FUBP3: variants seen among roughly 807,000 people sequenced by gnomAD.
FUBP3 encodes the protein far upstream element-binding protein 3.
A neutral mutation model predicts 85.6 loss-of-function variants in FUBP3; 28 were observed. The observed-to-expected ratio is 0.33, with a 90% CI of 0.24 to 0.45. The LOEUF is 0.45. Among genes scored for constraint, FUBP3 ranks in the 20% least tolerant of loss-of-function variants. The pLI is 1.00. For missense variants in FUBP3, 583 were observed against 755.1 expected (o/e 0.77, Z 2.67); for synonymous variants, 271 against 271.4 (o/e 1.00, Z 0.01).
chr9:130,630,136 T>C (rs1323894722), intron 12 of FUBP3, among the ~76,000 whole-genome samples: 5 of 152,216 alleles, frequency 3.3e-5, no homozygotes, highest in Non-Finnish European at 7.3e-5. Flanking sequence ...CCAGGCATGG[T>C]TGGGCCTGTG....
chr9:130,636,918 C>A, intron 18 of FUBP3, 96 bp from the exon 19 acceptor site: 1 of 1,036,696 alleles, frequency 9.6e-7, no homozygotes, highest in Non-Finnish European at 1.5e-6. Context: ...TTTTGTCTGG[C>A]CCAGCTCCCG....
At position 130,594,997 on chromosome 9, in the gene FUBP3, G is replaced by C. The variant is rs144073631; in HGVS notation, c.85-486G>C. Among the ~76,000 whole-genome samples, 834 of 151,900 alleles carry C rather than the reference G, an allele frequency of 5.5e-3. 10 individuals carry two copies. The highest frequency in any genetic ancestry group is 0.019 in the African/African-American group (781 of 41,434). Reference sequence around the variant, plus strand: ...ATCCCAGCACTTTGAGAGGCCAAGGGGGGCAGATCACCCGAGGTTGGGCGT... The same window carrying C: ...ATCCCAGCACTTTGAGAGGCCAAGGCGGGCAGATCACCCGAGGTTGGGCGT... On this transcript the variant is annotated intron_variant, in intron 1 of 18. Transcript: ENST00000319725.
Position 130,579,641 on chromosome 9 carries a change from G to A in FUBP3, c.-40G>A. Reference sequence around the variant, plus strand: ...GACCGGGGAGCCGAGCGGCGGCGTCGGCGGCGTCGGCGGCGGCGGCGACGG... The same window carrying A: ...GACCGGGGAGCCGAGCGGCGGCGTCAGCGGCGTCGGCGGCGGCGGCGACGG... On this transcript the variant is annotated 5_prime_UTR_variant, in exon 1 of 19. Transcript: ENST00000319725. The A allele has an allele frequency of 8.4e-7, 1 of 1,190,756 alleles. No homozygotes were observed. The allele number at this position is 1,190,756 out of a possible 1,614,324, so 73.8% of individuals were successfully genotyped here. A position where few individuals can be genotyped will look rare whatever the true frequency, so the allele number is the denominator to read the frequency against.
intron 12 of FUBP3, among the ~76,000 whole-genome samples, chr9:130,630,065 C>T (rs1830151165): frequency 1.3e-5 from 2 of 152,236 alleles, no homozygotes; most frequent in South Asian, 4.1e-4. Context: ...GACCGTCACC[C>T]CATGGAGGAG....
chr9:130,593,122 C>T (rs1370410627), intron 1 of FUBP3, among the ~76,000 whole-genome samples: 1 of 152,198 alleles, frequency 6.6e-6, no homozygotes, highest in Non-Finnish European at 1.5e-5. Context: ...GCCAGCTCCT[C>T]ATCATCACGT....
chr9:130,581,891 C>T (rs1174565661), intron 1 of FUBP3: 2 of 152,166 alleles, frequency 1.3e-5, no homozygotes, highest in Non-Finnish European at 2.9e-5. Flanking sequence ...TTTGAACCTG[C>T]AGTTTCTATT....
At chr9:130,580,061 T>G (rs1329223526) in intron 1 of FUBP3, among the ~76,000 whole-genome samples, 1 of 152,124 alleles carries the variant, frequency 6.6e-6, no homozygotes, top group Non-Finnish European at 1.5e-5. Context: ...ACAGTGTAGC[T>G]AGCGCGGGGT....
At chr9:130,589,544 A>G (rs1440979506) in intron 1 of FUBP3, among the ~76,000 whole-genome samples, 2 of 150,694 alleles carry the variant, frequency 1.3e-5, no homozygotes, top group East Asian at 1.9e-4. Context: ...GGGTTTCACC[A>G]TGTTGGCCAG....
chr9:130,636,315 GAA>G, intron 18 of FUBP3, 189 bp downstream of exon 18: 8 of 707,098 alleles, frequency 1.1e-5, no homozygotes, highest in South Asian at 7.6e-5. Context: ...TCGCTCTGGA[GAA>G]AAAGAGTTTA....
chr9:130,620,365 A>C lies in FUBP3; in HGVS notation c.678A>C (p.Glu226Asp). 6.3e-7 allele frequency: 1 copy of C among 1,580,372 alleles called. No individual in the cohort carries two copies. The highest frequency in any genetic ancestry group is 8.6e-7 in the Non-Finnish European group (1 of 1,161,516). Residue 226 changes from glutamate to aspartate, a missense_variant, in exon 9 of 19, where the codon GAA becomes GAC. Physicochemically the swap from Glu to Asp is conservative, Grantham distance 45 (BLOSUM62 2). Transcript: ENST00000319725. ...GDAFKVQQAREMVLEIIREKD... is the reference protein window; with the variant it reads ...GDAFKVQQARDMVLEIIREKD... Reference sequence around the variant, plus strand: ...TTGTGTTTATGCAGCAAGCAAGAGAAATGGTACTAGAGATTATCCGAGAAA... The same window carrying C: ...TTGTGTTTATGCAGCAAGCAAGAGACATGGTACTAGAGATTATCCGAGAAA...
At chr9:130,618,067 A>G (rs1386227789) in intron 8 of FUBP3, among the ~76,000 whole-genome samples, 172 bp downstream of exon 8, 1 of 152,206 alleles carries the variant, frequency 6.6e-6, no homozygotes. Context: ...GTGCTGCCCA[A>G]AACCAGAGTC....
chr9:130,587,075 TG>T (rs1314535363), intron 1 of FUBP3, among the ~76,000 whole-genome samples: 19 of 145,084 alleles, frequency 1.3e-4, no homozygotes, highest in Admixed American at 2.7e-4. Flanking sequence ...TTTGTTTGTT[TG>T]TTTTTTTGAG....
intron 18 of FUBP3, 83 bp downstream of exon 18, chr9:130,636,209 G>T (rs1275401425): frequency 3.6e-6 from 5 of 1,398,430 alleles, no homozygotes; most frequent in African/African-American, 2.8e-5. Flanking sequence ...CTGACCCCAG[G>T]ATGAGAGCGC....
chr9:130,617,936 G>T lies in FUBP3; in HGVS notation c.666+41G>T, dbSNP rs149165756. The T allele has an allele frequency of 1.6e-3, 1,446 of 931,928 alleles. 6 individuals carry two copies. Among genetic ancestry groups the T allele is most frequent in the Non-Finnish European group, 2.2e-3 (1,279 of 583,338 alleles). The allele number at this position is 931,928 out of a possible 1,614,324, so 57.7% of individuals were successfully genotyped here. ...GGGTTGGGTGAGTCCTGGCTGTTGGGGCTATCACTCGGTGGTACCCTAGAG... is the reference window on the plus strand; with the variant it reads ...GGGTTGGGTGAGTCCTGGCTGTTGGTGCTATCACTCGGTGGTACCCTAGAG... On this transcript the variant is annotated intron_variant, in intron 8 of 18. Coordinates refer to ENST00000319725, the MANE Select transcript of FUBP3 (RefSeq NM_003934.2).
intron 2 of FUBP3, 123 bp downstream of exon 2, chr9:130,595,711 G>T: frequency 1.4e-6 from 1 of 707,942 alleles, no homozygotes; most frequent in East Asian, 2.5e-5. Context: ...AAAGGTTGAA[G>T]GGAAGTATTT....
chr9:130,588,689 A>G (rs1830454774), intron 1 of FUBP3, among the ~76,000 whole-genome samples: 1 of 152,204 alleles, frequency 6.6e-6, no homozygotes, highest in Non-Finnish European at 1.5e-5. Context: ...GGTCACTGTG[A>G]CAATTAAATG....
intron 1 of FUBP3, among the ~76,000 whole-genome samples, chr9:130,580,290 G>A (rs1484390957): frequency 1.3e-5 from 2 of 152,206 alleles, no homozygotes; most frequent in Admixed American, 6.5e-5. Flanking sequence ...TGGTCCCCAA[G>A]ATGTAGAAAT....
In FUBP3 at chr9:130,587,968, G is replaced by A. The variant is rs559793553; in HGVS notation, c.85-7515G>A. ...TTGTCAGGAAAACCTCCCAAGAAGAGCTGCATCTTATTCAATTGTCATAGA... is the reference window on the plus strand; with the variant it reads ...TTGTCAGGAAAACCTCCCAAGAAGAACTGCATCTTATTCAATTGTCATAGA... On this transcript the variant is annotated intron_variant, in intron 1 of 18. Coordinates refer to ENST00000319725, the MANE Select transcript of FUBP3 (RefSeq NM_003934.2). Among the ~76,000 whole-genome samples, 12 of 152,286 alleles carry A rather than the reference G, an allele frequency of 7.9e-5. No homozygotes were observed. In the South Asian group the frequency reaches 2.5e-3, roughly 32 times the overall value.
Position 130,589,699 on chromosome 9 carries a change from ATATATATTTTTT to A in FUBP3, c.85-5782_85-5771del, listed in dbSNP as rs1200190757. Among the ~76,000 whole-genome samples, 3 of 28,578 alleles carry A rather than the reference ATATATATTTTTT, an allele frequency of 1.0e-4. No homozygotes were observed. The East Asian group carries it at 4.3e-3, about 41-fold the overall frequency. The allele number at this position is 28,578 out of a possible 152,430, so 18.7% of individuals were successfully genotyped here. On this transcript the variant is annotated intron_variant, in intron 1 of 18. Coordinates refer to ENST00000319725, the MANE Select transcript of FUBP3 (RefSeq NM_003934.2). ...TGTATATATATATATATATATATAT[ATATATATTTTTT>A]TTTTTTTTTTTTTTTTTAAGAGACA...
Sources: gnomAD v4.1 joint callset for allele counts (sites outside exome capture counted in the v4.1 genomes callset) on GRCh38, gnomAD v4.1.1 for gene constraint, MANE v1.5 for transcripts, NCBI Gene and HGNC (gene_info 2026-07-23, HGNC 2026-07-21) for gene names.